Variants in AMMECR1 observed in about 807,000 individuals in gnomAD.
The protein encoded by AMMECR1 is nuclear protein AMMECR1.
AMMECR1 carries 3 observed loss-of-function variants against 22.5 expected under a neutral mutation model. The ratio of observed to expected loss-of-function variants is 0.13; its 90% confidence interval spans 0.06 to 0.35. AMMECR1 has a LOEUF of 0.35. AMMECR1 is among the 10% of genes least tolerant of loss of function. The pLI, the probability that AMMECR1 is intolerant of heterozygous loss-of-function variation, is 1.00. For synonymous variants in AMMECR1, 130 were observed against 116.7 expected, an observed-to-expected ratio of 1.11 and a Z score of -0.74; for missense variants, 235 against 278.7, an observed-to-expected ratio of 0.84 and a Z score of 1.12.
intron 1 of AMMECR1, among the ~76,000 whole-genome samples, chrX:110,266,157 T>C (rs893820669): frequency 9.1e-6 from 1 of 109,563 alleles, no homozygotes; most frequent in East Asian, 2.8e-4. Flanking sequence ...AAACCTGTTA[T>C]AACTTGAGCC....
intron 1 of AMMECR1, among the ~76,000 whole-genome samples, chrX:110,286,910 G>A (rs2067883359): frequency 9.0e-6 from 1 of 111,021 alleles, no homozygotes; most frequent in Non-Finnish European, 1.9e-5. Context: ...AGGCCCACAA[G>A]GTGCTTCAAT....
Position 110,289,041 on chromosome X carries a change from C to T in AMMECR1, c.474-24442G>A, listed in dbSNP as rs1447370596. On this transcript the variant is annotated intron_variant, in intron 1 of 5. Transcript: ENST00000262844. ...CAGCTCTGTTTATGATCCTCACTGA[C>T]TAGAATGTCTAGTCCTCTCCCCCTA... Among the ~76,000 whole-genome samples the T allele has an allele frequency of 3.6e-5, 4 of 112,291 alleles. No homozygotes were observed. In the Admixed American group the frequency reaches 3.8e-4, roughly 11 times the overall value.
chrX:110,221,790 T>C (rs1031583463), intron 2 of AMMECR1, among the ~76,000 whole-genome samples: 1 of 111,147 alleles, frequency 9.0e-6, no homozygotes, highest in Admixed American at 9.5e-5. Context: ...GGGCAAAGGA[T>C]ATGAACAGAC....
chrX:110,347,212 A>T (rs1318112574), intron 2 of AMMECR1, among the ~76,000 whole-genome samples: 1 of 113,481 alleles, frequency 8.8e-6, no homozygotes, highest in African/African-American at 3.2e-5. Context: ...CTGCCACTGA[A>T]TCTTACTATT....
At chrX:110,199,446 C>T (rs2067386329) in intron 5 of AMMECR1, among the ~76,000 whole-genome samples, 1 of 110,916 alleles carries the variant, frequency 9.0e-6, no homozygotes, top group African/African-American at 3.3e-5. Context: ...CCTATCCTTA[C>T]AATTTCAATC....
chrX:110,252,159 A>G (rs1309357129), intron 2 of AMMECR1, among the ~76,000 whole-genome samples: 2 of 111,812 alleles, frequency 1.8e-5, no homozygotes, highest in Non-Finnish European at 1.9e-5. Context: ...GCAGAAATTC[A>G]GTAGCTTCCC....
chrX:110,215,423 A>G (rs1206680786), intron 3 of AMMECR1, among the ~76,000 whole-genome samples: 1 of 112,092 alleles, frequency 8.9e-6, no homozygotes, highest in Non-Finnish European at 1.9e-5. Context: ...TAAATTGTTC[A>G]AAGTCTCACA....
chrX:110,246,719 G>A (rs904283963), intron 2 of AMMECR1, among the ~76,000 whole-genome samples: 3 of 112,428 alleles, frequency 2.7e-5, no homozygotes, highest in Non-Finnish European at 5.6e-5. Flanking sequence ...AATGTGTTAT[G>A]AACATACAAG....
At chrX:110,334,388 T>G (rs1265701442) in intron 2 of AMMECR1, among the ~76,000 whole-genome samples, 7 of 111,873 alleles carry the variant, frequency 6.3e-5, no homozygotes, top group Admixed American at 2.9e-4. Flanking sequence ...TTACAGTATT[T>G]CTATGACACA....
chrX:110,335,164 A>G (rs1202979832), intron 2 of AMMECR1, among the ~76,000 whole-genome samples: 5 of 111,498 alleles, frequency 4.5e-5, no homozygotes, highest in African/African-American at 1.3e-4. Context: ...GGAAGATTCA[A>G]TCATATAATG....
intron 2 of AMMECR1, among the ~76,000 whole-genome samples, chrX:110,222,971 ACTCT>A (rs1159852921): frequency 1.8e-5 from 2 of 111,382 alleles, no homozygotes; most frequent in South Asian, 7.5e-4. Flanking sequence ...AAAAGCCTCT[ACTCT>A]CTATGAGATA....
At chrX:110,371,267 T>A (rs1051613444) in intron 2 of AMMECR1, among the ~76,000 whole-genome samples, 2 of 110,206 alleles carry the variant, frequency 1.8e-5, no homozygotes, top group Non-Finnish European at 1.9e-5. Flanking sequence ...TTTTAGTTAT[T>A]GTGGGTACAT....
At chrX:110,282,751 C>T (rs1027698570) in intron 1 of AMMECR1, among the ~76,000 whole-genome samples, 4 of 111,530 alleles carry the variant, frequency 3.6e-5, no homozygotes, top group African/African-American at 1.3e-4. Context: ...GAGATTATGC[C>T]TTGCTCAATC....
At position 110,290,123 on chromosome X, in the gene AMMECR1, T is replaced by C. The variant is rs141779109; in HGVS notation, c.474-25524A>G. Among the ~76,000 whole-genome samples the C allele has an allele frequency of 5.4e-3, 604 of 111,974 alleles. 3 individuals are homozygous for C. The highest frequency in any genetic ancestry group is 0.019 in the African/African-American group (586 of 30,859). ...GTTGATTTGGTTACAAAAAATTATT[T>C]ACAGCAAATAATCAAGGAAAACAAA... is the stretch of plus-strand genomic sequence containing the variant. On this transcript the variant is annotated intron_variant, in intron 1 of 5. Transcript: ENST00000262844.
intron 1 of AMMECR1, among the ~76,000 whole-genome samples, chrX:110,273,193 A>G (rs2148203372): frequency 8.9e-6 from 1 of 111,944 alleles, no homozygotes; most frequent in East Asian, 2.8e-4. Context: ...TGACTTTTTA[A>G]TAGTAGCCAT....
At chrX:110,439,517 T>C (rs1270359601) in intron 1 of AMMECR1, among the ~76,000 whole-genome samples, 3 of 112,332 alleles carry the variant, frequency 2.7e-5, no homozygotes, top group Non-Finnish European at 5.6e-5. Context: ...GCAGGGGCTG[T>C]GCTCACAATA....
chrX:110,317,829 C>CCCGCCG lies in AMMECR1; in HGVS notation c.237_242dup (p.Gly81_Gly82dup), dbSNP rs763207969. 71 of 1,150,337 alleles carry CCCGCCG rather than the reference C, an allele frequency of 6.2e-5. No individual in the cohort carries two copies. Among genetic ancestry groups the CCCGCCG allele is most frequent in the Non-Finnish European group, 7.0e-5 (61 of 865,400 alleles). The allele number at this position is 1,150,337 out of a possible 1,213,427, so 94.8% of individuals were successfully genotyped here. On this transcript the variant is annotated inframe_insertion, in exon 1 of 6. Transcript: ENST00000262844. ...TCGGAGGTGGCGACAGGGCGATCCC[C>CCCGCCG]CCGCCGCCGCCGCCGCAGCCCTGGG...
intron 2 of AMMECR1, among the ~76,000 whole-genome samples, chrX:110,263,008 C>T (rs1009207454): frequency 9.0e-5 from 10 of 111,281 alleles, no homozygotes; most frequent in Non-Finnish European, 1.3e-4. Flanking sequence ...CCAGTGTTTC[C>T]CAAACTTATT....
At chrX:110,249,943 A>C (rs2067678851) in intron 2 of AMMECR1, among the ~76,000 whole-genome samples, 1 of 111,267 alleles carries the variant, frequency 9.0e-6, no homozygotes, top group Admixed American at 9.5e-5. Flanking sequence ...GGAAAGGGAA[A>C]GGAAAGGAAA....
Sources: allele counts gnomAD v4.1 joint callset (sites outside exome capture counted in the v4.1 genomes callset), GRCh38; gene constraint gnomAD v4.1.1; transcripts MANE v1.5; gene names NCBI Gene and HGNC (gene_info 2026-07-23, HGNC 2026-07-21).